Variants in GIGYF2 observed in about 807,000 individuals in gnomAD.
The protein encoded by GIGYF2 is GRB10 interacting GYF protein 2, also known as GRB10-interacting GYF protein 2.
Under a neutral mutation model 208.1 loss-of-function variants are expected in GIGYF2, and 25 were observed. That is an observed-to-expected ratio of 0.12 (90% CI 0.09 to 0.17). The LOEUF is 0.17. GIGYF2 is among the 10% of genes least tolerant of loss of function. GIGYF2 has a pLI of 1.00. For synonymous variants in GIGYF2, 534 were observed against 543.8 expected (o/e 0.98, Z 0.25); for missense variants, 1,302 against 1,579.4 (o/e 0.82, Z 2.98).
chr2:232,819,622 A>G lies in GIGYF2; in HGVS notation c.2371-205A>G, dbSNP rs551314650. Among the ~76,000 whole-genome samples the G allele has an allele frequency of 2.6e-5, 4 of 152,330 alleles. No individual in the cohort carries two copies. The South Asian group carries it at 8.3e-4, about 32-fold the overall frequency. On this transcript the variant is annotated intron_variant, in intron 20 of 28. Coordinates refer to ENST00000373563, the MANE Select transcript of GIGYF2 (RefSeq NM_001103146.3). ...ATTGTAATTTAACTGCTAATATTTT[A>G]AATTCAATTTTCTTTTCATTGTAAT... is the stretch of plus-strand genomic sequence containing the variant.
intron 28 of GIGYF2, among the ~76,000 whole-genome samples, chr2:232,854,506 A>G (rs1048175240): frequency 1.3e-5 from 2 of 152,042 alleles, no homozygotes; most frequent in Non-Finnish European, 2.9e-5. Flanking sequence ...AAATACATAT[A>G]TATGTATATA....
At chr2:232,730,156 G>T in intron 2 of GIGYF2, 1 of 1,503,038 alleles carries the variant, frequency 6.7e-7, no homozygotes, top group Non-Finnish European at 9.2e-7. Flanking sequence ...TAATTGTTGA[G>T]CACCTGGAGG....
At chr2:232,715,933 C>T (rs1195137912) in intron 2 of GIGYF2, among the ~76,000 whole-genome samples, 2 of 151,290 alleles carry the variant, frequency 1.3e-5, no homozygotes, top group African/African-American at 4.9e-5. Context: ...ACAGGCCAGG[C>T]CTATGCTTTT....
At chr2:232,733,186 G>A (rs1697579380) in intron 2 of GIGYF2, among the ~76,000 whole-genome samples, 1 of 151,612 alleles carries the variant, frequency 6.6e-6, no homozygotes, top group South Asian at 2.1e-4. Flanking sequence ...GAACCCGGGA[G>A]GCGGAGCTTA....
intron 12 of GIGYF2, among the ~76,000 whole-genome samples, chr2:232,793,360 G>A (rs7560000): frequency 0.093 from 14,175 of 152,118 alleles, 912 homozygotes; most frequent in East Asian, 0.17. Flanking sequence ...AGATTTTAAA[G>A]TAGAAACTGT....
intron 6 of GIGYF2, 74 bp downstream of exon 6, chr2:232,756,408 A>C (rs1698543894): frequency 2.8e-6 from 2 of 720,982 alleles, no homozygotes; most frequent in East Asian, 5.3e-5. Context: ...AAAATATTTT[A>C]ATGCCTGATT....
intron 3 of GIGYF2, chr2:232,735,830 C>T (rs1574819627): frequency 8.1e-6 from 8 of 983,440 alleles, no homozygotes; most frequent in Non-Finnish European, 8.5e-6. Context: ...AGTGTGGCTT[C>T]CCCCCCTCCC....
intron 22 of GIGYF2, among the ~76,000 whole-genome samples, chr2:232,838,501 A>G (rs1324172226): frequency 2.0e-5 from 3 of 152,124 alleles, no homozygotes; most frequent in Non-Finnish European, 2.9e-5. Flanking sequence ...TTGTTTCCTG[A>G]TTACCATGGG....
At chr2:232,759,104 C>CTAAG (rs1365379525) in intron 6 of GIGYF2, among the ~76,000 whole-genome samples, 64 of 152,184 alleles carry the variant, frequency 4.2e-4, no homozygotes, top group African/African-American at 1.5e-3. Flanking sequence ...TAATTTGGTG[C>CTAAG]ATTATTTTGA....
chr2:232,750,691 TTCA>T (rs1308651075), intron 5 of GIGYF2, among the ~76,000 whole-genome samples: 2 of 152,116 alleles, frequency 1.3e-5, no homozygotes, highest in East Asian at 3.8e-4. Context: ...TTTTGGGATA[TTCA>T]TCTTTTCCTT....
At chr2:232,821,172 C>A (rs1430082162) in intron 21 of GIGYF2, among the ~76,000 whole-genome samples, 1 of 151,632 alleles carries the variant, frequency 6.6e-6, no homozygotes, top group Non-Finnish European at 1.5e-5. Context: ...TTGACAATGT[C>A]CAATTTATCT....
chr2:232,732,497 T>C (rs1490900727), intron 2 of GIGYF2, among the ~76,000 whole-genome samples: 3 of 152,154 alleles, frequency 2.0e-5, no homozygotes, highest in Non-Finnish European at 2.9e-5. Context: ...GTTTAAAAAA[T>C]TGGCCCTTGT....
At chr2:232,764,057 C>A (rs1259265864) in intron 8 of GIGYF2, among the ~76,000 whole-genome samples, 1 of 152,168 alleles carries the variant, frequency 6.6e-6, no homozygotes, top group Non-Finnish European at 1.5e-5. Context: ...TGTTGGTATG[C>A]TGATCAGATT....
intron 2 of GIGYF2, among the ~76,000 whole-genome samples, chr2:232,709,932 T>A (rs1696304753): frequency 6.6e-6 from 1 of 151,912 alleles, no homozygotes; most frequent in South Asian, 2.1e-4. Context: ...GTGCCTGGGC[T>A]CCAGCTGATT....
At chr2:232,838,299 T>C (rs1172788940) in intron 22 of GIGYF2, among the ~76,000 whole-genome samples, 1 of 152,028 alleles carries the variant, frequency 6.6e-6, no homozygotes, top group African/African-American at 2.4e-5. Flanking sequence ...TATATATATA[T>C]ACACGCATAT....
intron 22 of GIGYF2, 26 bp from the exon 23 acceptor site, chr2:232,839,823 C>T: frequency 1.2e-6 from 2 of 1,613,472 alleles, no homozygotes; most frequent in East Asian, 2.2e-5. Flanking sequence ...TCCTCATGAA[C>T]TTTCTGGCCT....
In GIGYF2 at chr2:232,771,058, T is replaced by C. The variant is rs776705101; in HGVS notation, c.532+9622T>C. 1.2e-6 allele frequency: 2 copies of C among 1,614,102 alleles called. No individual in the cohort carries two copies. The highest frequency in any genetic ancestry group is 1.7e-5 in the Admixed American group (1 of 60,008). On this transcript the variant is annotated intron_variant, in intron 8 of 28. Coordinates refer to ENST00000373563, the MANE Select transcript of GIGYF2 (RefSeq NM_001103146.3). Reference sequence around the variant, plus strand: ...GAATGCAGCTGTGAAACTGGTGATATACTTGACACAGATAGTGTGGTTTTC... The same window carrying C: ...GAATGCAGCTGTGAAACTGGTGATACACTTGACACAGATAGTGTGGTTTTC...
Position 232,844,592 on chromosome 2 carries a change from C to T in GIGYF2, c.3305+18C>T, listed in dbSNP as rs1701937394. On this transcript the variant is annotated intron_variant, in intron 25 of 28. Coordinates refer to ENST00000373563, the MANE Select transcript of GIGYF2 (RefSeq NM_001103146.3). ...AGTCTCAGGTAGGGCTCAAAATGAC[C>T]ACACCTATGCACCTTGGTTGGTTGG... The T allele has an allele frequency of 1.9e-6, 3 of 1,539,026 alleles. No individual in the cohort carries two copies. The highest frequency in any genetic ancestry group is 2.7e-6 in the Non-Finnish European group (3 of 1,114,992).
intron 15 of GIGYF2, among the ~76,000 whole-genome samples, chr2:232,807,993 A>G (rs1442644054): frequency 6.6e-6 from 1 of 152,246 alleles, no homozygotes; most frequent in Non-Finnish European, 1.5e-5. Flanking sequence ...AAGATGAGCA[A>G]GACCTAGCCT....
Sources: gnomAD v4.1 joint callset for allele counts (sites outside exome capture counted in the v4.1 genomes callset) on GRCh38, gnomAD v4.1.1 for gene constraint, MANE v1.5 for transcripts, NCBI Gene and HGNC (gene_info 2026-07-23, HGNC 2026-07-21) for gene names.